Variants in VCAN observed in about 807,000 individuals in gnomAD.
VCAN encodes versican core protein.
VCAN carries 44 observed loss-of-function variants against 245.5 expected under a neutral mutation model. The ratio of observed to expected loss-of-function variants is 0.18; its 90% CI spans 0.14 to 0.23. The LOEUF (loss-of-function observed/expected upper bound fraction) is 0.23. VCAN is among the 10% of genes least tolerant of loss of function. The probability of loss-of-function intolerance (pLI) is 1.00; values close to 1 mark genes in which losing one functional copy is unlikely to be tolerated. For synonymous variants in VCAN, 1,413 were observed against 1,437.0 expected (o/e 0.98, Z 0.38); for missense variants, 3,793 against 4,057.9 (o/e 0.93, Z 1.77).
In VCAN at chr5:83,547,922, T is replaced by C. The variant is rs1223048031; in HGVS notation, c.9380-49T>C. The C allele has an allele frequency of 5.3e-6, 7 of 1,324,680 alleles. No homozygotes were observed. The East Asian group carries it at 1.2e-4, about 22-fold the overall frequency. 82.1% of individuals were successfully genotyped at this position (1,324,680 alleles called of 1,614,324 possible). Reference sequence around the variant, plus strand: ...TGCAACCTCACACTAAATGGAATTCTTTGATACTTTTTGAAAGTATTTTGT... The same window carrying C: ...TGCAACCTCACACTAAATGGAATTCCTTGATACTTTTTGAAAGTATTTTGT... On this transcript the variant is annotated intron_variant, in intron 9 of 14. Transcript: ENST00000265077.
Position 83,542,034 on chromosome 5 carries a change from A to C in VCAN, c.9031A>C (p.Asn3011His), listed in dbSNP as rs761965287. ...RPTLSSSPEI[N>H]PETQAALIRG... ...CACGCTTTCTTCTTCTCCAGAAATA[A>C]ACCCTGAAACTCAAGCAGCTTTAAT... Residue 3011 changes from asparagine to histidine, a missense_variant, in exon 8 of 15, where the codon AAC becomes CAC. By Grantham distance (68) the Asn-to-His change is moderately conservative. Transcript: ENST00000265077. 5 of 1,610,372 alleles carry C rather than the reference A, an allele frequency of 3.1e-6. No individual in the cohort carries two copies. The highest frequency in any genetic ancestry group is 4.2e-6 in the Non-Finnish European group (5 of 1,177,336).
intron 5 of VCAN, among the ~76,000 whole-genome samples, chr5:83,511,580 T>A (rs984648640): frequency 6.6e-5 from 10 of 151,924 alleles, no homozygotes; most frequent in African/African-American, 9.7e-5. Flanking sequence ...ATTTTTTTTT[T>A]TTTTTATTTA....
At chr5:83,476,293 A>G (rs113750980) in intron 1 of VCAN, among the ~76,000 whole-genome samples, 2 of 152,350 alleles carry the variant, frequency 1.3e-5, no homozygotes, top group African/African-American at 4.8e-5. Context: ...GACGTCATTC[A>G]TGGACAAACA....
At chr5:83,492,424 C>A (rs962119657) in intron 3 of VCAN, among the ~76,000 whole-genome samples, 1 of 152,054 alleles carries the variant, frequency 6.6e-6, no homozygotes, top group African/African-American at 2.4e-5. Context: ...TTCATAAGAC[C>A]CAGTTGCCTC....
intron 12 of VCAN, among the ~76,000 whole-genome samples, chr5:83,566,523 TGAATTTGGTA>T (rs1748083909): frequency 6.6e-6 from 1 of 152,174 alleles, no homozygotes; most frequent in Non-Finnish European, 1.5e-5. Context: ...AAACCCCATC[TGAATTTGGTA>T]GATTGTTGGT....
At chr5:83,565,390 G>GGTGT (rs6149088) in intron 12 of VCAN, among the ~76,000 whole-genome samples, 3,430 of 149,190 alleles carry the variant, frequency 0.023, 119 homozygotes, top group African/African-American at 0.077. Context: ...TATGTGTAAG[G>GGTGT]GTGTGTGTGT....
intron 7 of VCAN, among the ~76,000 whole-genome samples, chr5:83,527,333 G>T (rs959020678): frequency 6.6e-6 from 1 of 152,154 alleles, no homozygotes; most frequent in Non-Finnish European, 1.5e-5. Context: ...AAGTGGATGG[G>T]TCTGGTGCCT....
chr5:83,520,882 A>G lies in VCAN; in HGVS notation c.2576A>G (p.Asp859Gly). 1 of 1,614,164 alleles carries G rather than the reference A, an allele frequency of 6.2e-7. No individual in the cohort carries two copies. Among genetic ancestry groups the G allele is most frequent in the Non-Finnish European group, 8.5e-7 (1 of 1,180,002 alleles). Residue 859 changes from aspartate to glycine, a missense_variant, in exon 7 of 15, where the codon GAT becomes GGT. Physicochemically the swap from Asp to Gly is moderately conservative, Grantham distance 94. Coordinates refer to ENST00000265077, the MANE Select transcript of VCAN (RefSeq NM_004385.5). ...DGADEFTLIP[D>G]STQKQLEEVT... ...GCAGATGAATTTACTCTTATTCCAG[A>G]TAGTACTCAAAAGCAGTTAGAGGAG...
In VCAN at chr5:83,550,887, C is replaced by CAAA. The variant is rs57081110; in HGVS notation, c.9494-2458_9494-2456dup. On this transcript the variant is annotated intron_variant, in intron 10 of 14. Coordinates refer to ENST00000265077, the MANE Select transcript of VCAN (RefSeq NM_004385.5). ...GGGTGACAAGAGTGAGACTCCATCT[C>CAAA]AAAAAAAAAAAAAAAAAAAAAGTGA... is the stretch of plus-strand genomic sequence containing the variant. Among the ~76,000 whole-genome samples, 185 of 50,054 alleles carry CAAA rather than the reference C, an allele frequency of 3.7e-3. 20 individuals carry two copies. Among genetic ancestry groups the CAAA allele is most frequent in the Middle Eastern group, 0.02 (1 of 50 alleles). 32.8% of individuals were successfully genotyped at this position (50,054 alleles called of 152,430 possible).
At chr5:83,526,779 C>T (rs1396640549) in intron 7 of VCAN, among the ~76,000 whole-genome samples, 1 of 152,162 alleles carries the variant, frequency 6.6e-6, no homozygotes, top group Non-Finnish European at 1.5e-5. Context: ...GCCTATGTGT[C>T]ATCAAGATAA....
At position 83,540,900 on chromosome 5, in the gene VCAN, G is replaced by A. The variant is rs1179699655; in HGVS notation, c.7897G>A (p.Glu2633Lys). The change falls in exon 8 of 15, where the codon GAG becomes AAG. Residue 2633 changes from glutamate (E) to lysine (K), a missense_variant. Physicochemically the swap from Glu to Lys is moderately conservative, Grantham distance 56. Around this residue, in one of 5 missense-constraint regions of VCAN, gnomAD observed 3,182 missense variants for 3,250.3 expected, o/e 0.98. Transcript: ENST00000265077. ...GGCAGCTGTCAACCTTTCTTTAACT[G>A]AGGAAACATTTGAGGGCTCTGCTGA... is the stretch of plus-strand genomic sequence containing the variant. The part of the protein sequence containing the change: ...YEAAVNLSLT[E>K]ETFEGSADVL... 6.2e-7 allele frequency: 1 copy of A among 1,613,962 alleles called. No homozygotes were observed. The highest frequency in any genetic ancestry group is 8.5e-7 in the Non-Finnish European group (1 of 1,179,982).
At position 83,519,394 on chromosome 5, in the gene VCAN, C is replaced by T. The variant is rs1244486675; in HGVS notation, c.1088C>T (p.Ala363Val). 6.2e-7 allele frequency: 1 copy of T among 1,614,070 alleles called. No individual in the cohort carries two copies. Among genetic ancestry groups the T allele is most frequent in the South Asian group, 1.1e-5 (1 of 91,078 alleles). Residue 363 changes from alanine (A) to valine (V), a missense_variant, in exon 7 of 15, where the codon GCA becomes GTA. Physicochemically the swap from Ala to Val is moderately conservative, Grantham distance 64. Coordinates refer to ENST00000265077, the MANE Select transcript of VCAN (RefSeq NM_004385.5). ...TIDLSILAET[A>V]SPSLSKEPQM... ...GATTTGAGTATCCTCGCAGAAACTG[C>T]ATCACCCAGTTTATCCAAAGAACCA...
chr5:83,520,497 T>C lies in VCAN; in HGVS notation c.2191T>C (p.Ser731Pro), dbSNP rs1273709717. 1 of 1,614,002 alleles carries C rather than the reference T, an allele frequency of 6.2e-7. No individual in the cohort carries two copies. The highest frequency in any genetic ancestry group is 1.1e-5 in the South Asian group (1 of 91,072). The change falls in exon 7 of 15, where the codon TCA becomes CCA. Residue 731 changes from serine (S) to proline (P), a missense_variant. Ser to Pro is a moderately conservative substitution (Grantham distance 74). Around this residue, in one of 5 missense-constraint regions of VCAN, gnomAD observed 3,182 missense variants for 3,250.3 expected, o/e 0.98. Coordinates refer to ENST00000265077, the MANE Select transcript of VCAN (RefSeq NM_004385.5). ...TGGGATGAAACTCTCTACATCTCTCTCAGAGCCAATTCATGTTACAGAGTC... is the reference window on the plus strand; with the variant it reads ...TGGGATGAAACTCTCTACATCTCTCCCAGAGCCAATTCATGTTACAGAGTC... ...FSGMKLSTSL[S>P]EPIHVTESSV...
At chr5:83,559,427 T>C (rs912637924) in intron 12 of VCAN, among the ~76,000 whole-genome samples, 5 of 152,068 alleles carry the variant, frequency 3.3e-5, no homozygotes, top group Non-Finnish European at 4.4e-5. Flanking sequence ...ACCAATCCAC[T>C]CCGTCTGCCA....
At chr5:83,511,411 C>T (rs1056574991) in intron 5 of VCAN, among the ~76,000 whole-genome samples, 1 of 151,948 alleles carries the variant, frequency 6.6e-6, no homozygotes, top group Admixed American at 6.6e-5. Flanking sequence ...GAGTGGGAGG[C>T]GACCTAGGCC....
In VCAN at chr5:83,472,003, T is replaced by G. The variant is rs1417106752; in HGVS notation, c.-27T>G. 2.6e-6 allele frequency: 1 copy of G among 378,212 alleles called. No individual in the cohort carries two copies. Among genetic ancestry groups the G allele is most frequent in the African/African-American group, 2.1e-5 (1 of 48,092 alleles). The allele number at this position is 378,212 out of a possible 1,614,324, so 23.4% of individuals were successfully genotyped here. A position where few individuals can be genotyped will look rare whatever the true frequency, so the allele number is the denominator to read the frequency against. ...GCTGCAGTGAATTTTCCCCCCAAAC[T>G]GCAATAAGCCGCCTTCCAAGGTAAT... On this transcript the variant is annotated 5_prime_UTR_variant, in exon 1 of 15. Coordinates refer to ENST00000265077, the MANE Select transcript of VCAN (RefSeq NM_004385.5).
intron 2 of VCAN, among the ~76,000 whole-genome samples, chr5:83,489,667 A>G (rs780160539): frequency 5.9e-5 from 9 of 152,254 alleles, no homozygotes; most frequent in Middle Eastern, 3.4e-3. Flanking sequence ...AGTTATTGTA[A>G]CAAACATTTT....
At chr5:83,506,465 C>T (rs907516139) in intron 5 of VCAN, among the ~76,000 whole-genome samples, 5 of 152,200 alleles carry the variant, frequency 3.3e-5, no homozygotes, top group African/African-American at 4.8e-5. Flanking sequence ...ACCTTTCTTC[C>T]AGTCCCCAAG....
intron 5 of VCAN, among the ~76,000 whole-genome samples, chr5:83,507,787 T>C (rs1745526410): frequency 6.6e-6 from 1 of 152,246 alleles, no homozygotes; most frequent in Non-Finnish European, 1.5e-5. Flanking sequence ...GTTTACAACA[T>C]ATAATTTGAC....
Sources: allele counts gnomAD v4.1 joint callset (sites outside exome capture counted in the v4.1 genomes callset), GRCh38; gene constraint gnomAD v4.1.1; regional missense constraint gnomAD v4.1.1; transcripts MANE v1.5; gene names NCBI Gene and HGNC (gene_info 2026-07-23, HGNC 2026-07-21).